The following ELP4 variants were observed in gnomAD, a reference collection of about 807,000 sequenced individuals.
ELP4 encodes the protein elongator complex protein 4.
Under a neutral mutation model 48.9 loss-of-function variants are expected in ELP4, and 51 were observed. That is an observed-to-expected ratio of 1.04 (90% CI 0.83 to 1.32). The LOEUF (loss-of-function observed/expected upper bound fraction) is 1.32. Ranked by LOEUF, ELP4 falls within the 40% of genes most tolerant of loss-of-function variation. The pLI, the probability that ELP4 is intolerant of heterozygous loss-of-function variation, is 0.00. For synonymous variants in ELP4, 210 were observed against 189.2 expected (o/e 1.11, Z -0.90); for missense variants, 519 against 514.6 (o/e 1.01, Z -0.08).
intron 3 of ELP4, among the ~76,000 whole-genome samples, chr11:31,570,921 T>A (rs1378092105): frequency 2.0e-5 from 3 of 150,978 alleles, no homozygotes; most frequent in South Asian, 2.1e-4. Flanking sequence ...TGCCTCAGCT[T>A]CCCAAGTAGC....
chr11:31,599,298 T>G (rs1406159835), intron 4 of ELP4: 2 of 152,204 alleles, frequency 1.3e-5, no homozygotes, highest in Non-Finnish European at 2.9e-5. Context: ...GTGAGTTGTA[T>G]CCAATTTAGA....
At chr11:31,760,080 T>C (rs766101863) in intron 9 of ELP4, among the ~76,000 whole-genome samples, 20 of 152,218 alleles carry the variant, frequency 1.3e-4, no homozygotes, top group Non-Finnish European at 1.2e-4. Flanking sequence ...GAGATATTGA[T>C]GAGCCTGACT....
intron 5 of ELP4, among the ~76,000 whole-genome samples, chr11:31,624,135 A>G (rs1344621131): frequency 6.6e-6 from 1 of 151,838 alleles, no homozygotes; most frequent in East Asian, 1.9e-4. Context: ...CATTGTAGAA[A>G]ACAGTATAGA....
chr11:31,552,281 C>T (rs191447188), intron 3 of ELP4, among the ~76,000 whole-genome samples: 89 of 152,248 alleles, frequency 5.8e-4, no homozygotes, highest in Non-Finnish European at 7.6e-4. Flanking sequence ...CCTGTTCTCT[C>T]GCTGATCACG....
chr11:31,715,325 T>C (rs1377974830), intron 9 of ELP4, among the ~76,000 whole-genome samples: 2 of 152,214 alleles, frequency 1.3e-5, no homozygotes, highest in Non-Finnish European at 2.9e-5. Context: ...TTACTTTCTA[T>C]GTGGCGGACA....
chr11:31,615,292 T>C (rs1958055666), intron 5 of ELP4, among the ~76,000 whole-genome samples: 1 of 152,056 alleles, frequency 6.6e-6, no homozygotes, highest in African/African-American at 2.4e-5. Flanking sequence ...AATACCCTAC[T>C]TCAAAACAGG....
chr11:31,524,293 A>T (rs1023248860), intron 2 of ELP4, among the ~76,000 whole-genome samples: 3 of 152,208 alleles, frequency 2.0e-5, no homozygotes, highest in Admixed American at 6.5e-5. Flanking sequence ...CTGAGTTCTC[A>T]TCTGAAGGCT....
intron 9 of ELP4, among the ~76,000 whole-genome samples, chr11:31,760,500 T>C (rs1205390932): frequency 6.6e-6 from 1 of 152,200 alleles, no homozygotes; most frequent in Non-Finnish European, 1.5e-5. Flanking sequence ...TATGCATCAG[T>C]TTAAGTATGC....
At chr11:31,547,068 T>C (rs1956739581) in intron 3 of ELP4, among the ~76,000 whole-genome samples, 1 of 151,968 alleles carries the variant, frequency 6.6e-6, no homozygotes, top group Non-Finnish European at 1.5e-5. Context: ...ACATCACAAT[T>C]AAAAGAACTA....
At chr11:31,607,713 A>G (rs943139787) in intron 5 of ELP4, among the ~76,000 whole-genome samples, 1 of 152,164 alleles carries the variant, frequency 6.6e-6, no homozygotes, top group Non-Finnish European at 1.5e-5. Flanking sequence ...CAATAGAATG[A>G]GTTTATTTTG....
At chr11:31,643,884 T>A (rs990946825) in intron 7 of ELP4, among the ~76,000 whole-genome samples, 1 of 151,906 alleles carries the variant, frequency 6.6e-6, no homozygotes, top group East Asian at 1.9e-4. Flanking sequence ...ACAATCTGAT[T>A]TGCTTTGCTT....
intron 3 of ELP4, among the ~76,000 whole-genome samples, chr11:31,559,631 C>T (rs1049274042): frequency 6.6e-6 from 1 of 152,146 alleles, no homozygotes; most frequent in African/African-American, 2.4e-5. Context: ...GGGCCGGGAG[C>T]GGCGGCTCAC....
chr11:31,682,875 T>C (rs983741273), intron 9 of ELP4, among the ~76,000 whole-genome samples: 1 of 152,130 alleles, frequency 6.6e-6, no homozygotes, highest in Non-Finnish European at 1.5e-5. Context: ...ATTTATGTAC[T>C]CATCACTTTC....
At chr11:31,732,897 C>G (rs924833721) in intron 9 of ELP4, among the ~76,000 whole-genome samples, 1 of 152,120 alleles carries the variant, frequency 6.6e-6, no homozygotes, top group African/African-American at 2.4e-5. Flanking sequence ...ATGTACCCAG[C>G]ATCAGAGCAC....
intron 9 of ELP4, among the ~76,000 whole-genome samples, chr11:31,755,647 A>T (rs148843164): frequency 8.8e-4 from 134 of 152,000 alleles, no homozygotes; most frequent in African/African-American, 3.1e-3. Flanking sequence ...TACATAAAAG[A>T]TGAGGAAAAA....
At chr11:31,656,563 G>C (rs1443666442) in intron 9 of ELP4, among the ~76,000 whole-genome samples, 1 of 151,776 alleles carries the variant, frequency 6.6e-6, no homozygotes, top group Non-Finnish European at 1.5e-5. Context: ...ATTGAACTTA[G>C]GGTCTAATAT....
intron 9 of ELP4, among the ~76,000 whole-genome samples, chr11:31,777,174 A>ATT (rs58039300): frequency 3.3e-5 from 5 of 150,064 alleles, no homozygotes; most frequent in Admixed American, 6.7e-5. Context: ...TATAACATTG[A>ATT]TTTTTTTTTT....
chr11:31,570,507 G>A (rs571477193), intron 3 of ELP4, among the ~76,000 whole-genome samples: 77 of 135,254 alleles, frequency 5.7e-4, no homozygotes, highest in African/African-American at 1.7e-3. Flanking sequence ...TCACTTTGTC[G>A]TCCAGGCTTG....
intron 9 of ELP4, among the ~76,000 whole-genome samples, chr11:31,744,542 T>C (rs1439668512): frequency 7.2e-5 from 11 of 152,280 alleles, no homozygotes; most frequent in Non-Finnish European, 1.3e-4. Context: ...TTATCCACCA[T>C]GATCAAGTGG....
Sources: gnomAD v4.1 joint callset for allele counts (sites outside exome capture counted in the v4.1 genomes callset) on GRCh38, gnomAD v4.1.1 for gene constraint, MANE v1.5 for transcripts, NCBI Gene and HGNC (gene_info 2026-07-23, HGNC 2026-07-21) for gene names.